CDK14: variants seen among roughly 807,000 people sequenced by gnomAD.
CDK14 encodes cyclin dependent kinase 14.
Under a neutral mutation model 60.7 loss-of-function variants are expected in CDK14, and 34 were observed. The ratio of observed to expected loss-of-function variants is 0.56; its 90% CI spans 0.43 to 0.75. CDK14 has a LOEUF of 0.75. Ranked by LOEUF, CDK14 falls within the 30% of genes least tolerant of loss-of-function variation. The pLI is 0.00. For missense variants in CDK14, 482 were observed against 564.1 expected (o/e 0.85, Z 1.47); for synonymous variants, 197 against 203.7 (o/e 0.97, Z 0.28).
At chr7:91,141,588 C>CA (rs1039319121) in intron 14 of CDK14, among the ~76,000 whole-genome samples, 1 of 135,034 alleles carries the variant, frequency 7.4e-6, no homozygotes, top group African/African-American at 2.8e-5. Flanking sequence ...TCAGCACAGA[C>CA]AACAGAGAAA....
At chr7:90,833,355 C>G (rs1241734812) in intron 5 of CDK14, among the ~76,000 whole-genome samples, 2 of 152,072 alleles carry the variant, frequency 1.3e-5, no homozygotes, top group Non-Finnish European at 2.9e-5. Context: ...AAATGCATAC[C>G]CCAGATATAC....
chr7:90,757,236 G>C (rs1472964850), intron 4 of CDK14, among the ~76,000 whole-genome samples: 4 of 147,388 alleles, frequency 2.7e-5, no homozygotes, highest in African/African-American at 9.9e-5. Flanking sequence ...GTGTGTGTGT[G>C]TGTGTGTGTG....
At chr7:91,157,822 C>A (rs1319317270) in intron 14 of CDK14, among the ~76,000 whole-genome samples, 1 of 152,122 alleles carries the variant, frequency 6.6e-6, no homozygotes, top group Non-Finnish European at 1.5e-5. Context: ...ATCTGTAATT[C>A]CTAGCATATA....
chr7:90,841,659 TACACACAC>T (rs57434660), intron 5 of CDK14, among the ~76,000 whole-genome samples: 52 of 139,384 alleles, frequency 3.7e-4, no homozygotes, highest in African/African-American at 9.7e-4. Context: ...TATATATATG[TACACACAC>T]ACACACACAC....
chr7:90,778,846 A>ATTCCTTCCTT lies in CDK14; in HGVS notation c.465-11727_465-11726insTTCCTTCCTT, dbSNP rs1554335028. On this transcript the variant is annotated intron_variant, in intron 4 of 14. Coordinates refer to ENST00000380050, the MANE Select transcript of CDK14 (RefSeq NM_001287135.2). ...TCCTGTGGAATGTAAAAATTGACCG[A>ATTCCTTCCTT]CCTTCCTTCCTTCCTTCCTTCCTTC... 7.5e-3 allele frequency among the ~76,000 whole-genome samples: 955 copies of ATTCCTTCCTT among 127,936 alleles called. 9 individuals are homozygous for ATTCCTTCCTT. The highest frequency in any genetic ancestry group is 0.026 in the African/African-American group (861 of 32,508). The allele number at this position is 127,936 out of a possible 152,430, so 83.9% of individuals were successfully genotyped here.
intron 5 of CDK14, among the ~76,000 whole-genome samples, chr7:90,837,159 T>A (rs1318626517): frequency 6.6e-6 from 1 of 152,162 alleles, no homozygotes; most frequent in African/African-American, 2.4e-5. Flanking sequence ...CGTATGGCAA[T>A]GATTATTCCT....
At chr7:90,950,217 C>T (rs1403093869) in intron 8 of CDK14, among the ~76,000 whole-genome samples, 1 of 152,116 alleles carries the variant, frequency 6.6e-6, no homozygotes, top group African/African-American at 2.4e-5. Context: ...CCTGGGATTA[C>T]AGGCGCGTGC....
At chr7:90,653,223 A>G (rs1394433653) in intron 2 of CDK14, among the ~76,000 whole-genome samples, 6 of 152,034 alleles carry the variant, frequency 3.9e-5, no homozygotes, top group Non-Finnish European at 7.4e-5. Flanking sequence ...TCTAGAGCCA[A>G]TCCCTCCTTT....
chr7:90,715,087 A>T (rs1462457641), intron 2 of CDK14, among the ~76,000 whole-genome samples: 1 of 152,064 alleles, frequency 6.6e-6, no homozygotes, highest in Non-Finnish European at 1.5e-5. Flanking sequence ...TTTTAATGTT[A>T]TTGCACCTTC....
At chr7:90,672,950 ATT>A (rs1801127066) in intron 2 of CDK14, among the ~76,000 whole-genome samples, 1 of 152,186 alleles carries the variant, frequency 6.6e-6, no homozygotes, top group Admixed American at 6.5e-5. Context: ...CAGTGGGGAA[ATT>A]ATTCTAAGAT....
chr7:91,029,499 T>A (rs1177116572), intron 10 of CDK14, among the ~76,000 whole-genome samples: 2 of 151,720 alleles, frequency 1.3e-5, no homozygotes, highest in East Asian at 3.9e-4. Context: ...TTTTTTTTAA[T>A]CGGTGTTTTA....
At chr7:90,927,508 C>A (rs1793454565) in intron 8 of CDK14, among the ~76,000 whole-genome samples, 1 of 152,228 alleles carries the variant, frequency 6.6e-6, no homozygotes, top group East Asian at 1.9e-4. Context: ...CTTACTAAAT[C>A]ACAATGTCAC....
At chr7:90,841,834 C>CT (rs1790304479) in intron 5 of CDK14, among the ~76,000 whole-genome samples, 1 of 152,056 alleles carries the variant, frequency 6.6e-6, no homozygotes, top group African/African-American at 2.4e-5. Context: ...AGTGCCCACT[C>CT]TGTGTTGGGC....
At chr7:90,930,736 A>G (rs1039898092) in intron 8 of CDK14, among the ~76,000 whole-genome samples, 2 of 152,060 alleles carry the variant, frequency 1.3e-5, no homozygotes, top group Admixed American at 6.6e-5. Flanking sequence ...TAATAGTAAG[A>G]GCCTATTACA....
intron 10 of CDK14, among the ~76,000 whole-genome samples, chr7:91,008,605 A>G (rs971498692): frequency 1.3e-5 from 2 of 152,118 alleles, no homozygotes; most frequent in Non-Finnish European, 2.9e-5. Context: ...AGACTGGAAC[A>G]TATCAAAGTG....
At chr7:90,752,983 C>T (rs1195107492) in intron 4 of CDK14, among the ~76,000 whole-genome samples, 1 of 151,992 alleles carries the variant, frequency 6.6e-6, no homozygotes, top group Non-Finnish European at 1.5e-5. Context: ...TCAAGTTCCA[C>T]AATTGAATTA....
At chr7:90,597,750 T>TA in intron 1 of CDK14, among the ~76,000 whole-genome samples, 1 of 152,084 alleles carries the variant, frequency 6.6e-6, no homozygotes, top group Non-Finnish European at 1.5e-5. Flanking sequence ...ACATGAGTGT[T>TA]ACAGATATCC....
intron 10 of CDK14, among the ~76,000 whole-genome samples, chr7:90,999,873 CG>C (rs759134821): frequency 1.3e-5 from 2 of 152,024 alleles, no homozygotes; most frequent in Admixed American, 6.6e-5. Flanking sequence ...AGGTATTTTG[CG>C]GTTTACAAAA....
intron 5 of CDK14, among the ~76,000 whole-genome samples, chr7:90,805,394 G>A (rs1006870873): frequency 6.6e-6 from 1 of 151,708 alleles, no homozygotes; most frequent in Non-Finnish European, 1.5e-5. Flanking sequence ...ACCTATTCGT[G>A]TTAAAGGCTT....
Sources: allele counts gnomAD v4.1 joint callset (sites outside exome capture counted in the v4.1 genomes callset), GRCh38; gene constraint gnomAD v4.1.1; transcripts MANE v1.5; gene names NCBI Gene and HGNC (gene_info 2026-07-23, HGNC 2026-07-21).